Variants in IRF7 observed in about 807,000 individuals in gnomAD.
IRF7 encodes the protein interferon regulatory factor-7H.
Under a neutral mutation model 51.3 loss-of-function variants are expected in IRF7, and 67 were observed. The observed-to-expected ratio is 1.31, with a 90% CI of 1.07 to 1.60. IRF7 has a LOEUF of 1.60. Among genes scored for constraint, IRF7 ranks in the 40% most tolerant of loss-of-function variants. The pLI is 0.00. For synonymous variants in IRF7, 427 were observed against 301.3 expected (o/e 1.42, Z -4.32); for missense variants, 873 against 701.5 (o/e 1.24, Z -2.76).
At position 614,885 on chromosome 11, in the gene IRF7, C is replaced by G. The variant is rs1856733684; in HGVS notation, c.306G>C (p.Thr102=). The G allele has an allele frequency of 6.3e-7, 1 of 1,585,068 alleles. No individual in the cohort carries two copies. Among genetic ancestry groups the G allele is most frequent in the South Asian group, 1.1e-5 (1 of 87,398 alleles). Residue 102 remains threonine (T), a synonymous_variant, in exon 4 of 11, where the codon ACG becomes ACC. Coordinates refer to ENST00000525445, the MANE Select transcript of IRF7 (RefSeq NM_001572.5). The stretch of plus-strand genomic sequence containing the variant: ...TATCCCGCAGCATCACGAAGCGACG[C>G]GTGCTGCGCAGTGCGCAGCGGAAGT... The part of the protein sequence containing the change: ...KTNFRCALRS[T]RRFVMLRDNS...
In IRF7 at chr11:614,896, G is replaced by C. The variant is rs943352970; in HGVS notation, c.295C>G (p.Leu99Val). 4 of 1,586,104 alleles carry C rather than the reference G, an allele frequency of 2.5e-6. No individual in the cohort carries two copies. Among genetic ancestry groups the C allele is most frequent in the Admixed American group, 3.5e-5 (2 of 56,372 alleles). Residue 99 changes from leucine (L) to valine (V), a missense_variant, in exon 4 of 11, where the codon CTG becomes GTG. Transcript: ENST00000525445. ...AGWKTNFRCA[L>V]RSTRRFVMLR... The stretch of plus-strand genomic sequence containing the variant: ...ATCACGAAGCGACGCGTGCTGCGCA[G>C]TGCGCAGCGGAAGTTGGTTTTCCAG...
chr11:614,102 C>T lies in IRF7; in HGVS notation c.680-65G>A, dbSNP rs1471680090. On this transcript the variant is annotated intron_variant, in intron 6 of 10. Coordinates refer to ENST00000525445, the MANE Select transcript of IRF7 (RefSeq NM_001572.5). ...AATTCTCCAGCTCCCCAATCCCCAG[C>T]CCCCTTCTAAAGTGTCCGTCCAGGT... 22 of 1,579,476 alleles carry T rather than the reference C, an allele frequency of 1.4e-5. No homozygotes were observed. In the East Asian group the frequency reaches 1.6e-4, roughly 12 times the overall value.
In IRF7 at chr11:614,947, CG is replaced by C; in HGVS notation, c.243del (p.Glu82ArgfsTer25). 1.9e-6 allele frequency: 3 copies of C among 1,567,996 alleles called. No individual in the cohort carries two copies. The highest frequency in any genetic ancestry group is 1.8e-5 in the Admixed American group (1 of 55,916). On this transcript the variant is annotated frameshift_variant, in exon 4 of 11. Transcript: ENST00000525445. LOFTEE classifies it high-confidence loss of function. ...PPSSRGGGPP[P>X]EAETAERAGW... ...CCGGCGCGCTCCGCAGTCTCAGCCT[CG>C]GGGGGCGGGCCACCTCCCCTGCTGC...
intron 4 of IRF7, 22 bp from the exon 5 acceptor site, chr11:614,556 G>T (rs748843024): frequency 1.5e-5 from 23 of 1,550,576 alleles, no homozygotes; most frequent in Non-Finnish European, 1.9e-5. Flanking sequence ...TGGGGCAGGC[G>T]TTAGGCCCCG....
Position 613,941 on chromosome 11 carries a change from C to T in IRF7, c.766+10G>A, listed in dbSNP as rs200269471. On this transcript the variant is annotated intron_variant, in intron 7 of 10. Transcript: ENST00000525445. ...TGTGCCCCAGGCCTCCCAACCCCTA[C>T]CCCTCTCACCTGTCGTTAGTGCCGC... 3.4e-5 allele frequency: 55 copies of T among 1,604,618 alleles called. No individual in the cohort carries two copies. The highest frequency in any genetic ancestry group is 2.2e-5 in the East Asian group (1 of 44,760).
rs1224349259 is a variant in IRF7 at position 615,647 on chromosome 11, C to A, written c.-283G>T. Reference sequence around the variant, plus strand: ...CCTGGCGGGAAGGCGCAGGCCGGACCCTGCGGAGACGGGAAAGGCGACGTC... The same window carrying A: ...CCTGGCGGGAAGGCGCAGGCCGGACACTGCGGAGACGGGAAAGGCGACGTC... On this transcript the variant is annotated splice_region_variant and 5_prime_UTR_variant, in exon 2 of 11. Coordinates refer to ENST00000525445, the MANE Select transcript of IRF7 (RefSeq NM_001572.5). 4.9e-6 allele frequency: 2 copies of A among 404,438 alleles called. No individual in the cohort carries two copies. The highest frequency in any genetic ancestry group is 4.1e-5 in the Admixed American group (1 of 24,222). 25.1% of individuals were successfully genotyped at this position (404,438 alleles called of 1,614,324 possible).
At chr11:614,065 T>C (rs1269665517) in intron 6 of IRF7, 28 bp from the exon 7 acceptor site, 3 of 1,592,348 alleles carry the variant, frequency 1.9e-6, no homozygotes, top group Admixed American at 1.7e-5. Flanking sequence ...GTGGGAACGG[T>C]GGTCCCCTCC....
Position 614,388 on chromosome 11 carries a change from TG to T in IRF7, c.464del (p.Pro155GlnfsTer43), listed in dbSNP as rs1856692689. ...CATGTGTGTGTGCCAGGAATGGCCC[TG>T]GGGGCCCACCCTGCAGGGAAAAGTC... is the stretch of plus-strand genomic sequence containing the variant. Reference protein sequence around the residue: ...AAVPPPQGGPPGPFLAHTHAG... With the variant: ...AAVPPPQGGPXGPFLAHTHAG... On this transcript the variant is annotated frameshift_variant, in exon 6 of 11. Coordinates refer to ENST00000525445, the MANE Select transcript of IRF7 (RefSeq NM_001572.5). LOFTEE classifies it high-confidence loss of function. 1.2e-6 allele frequency: 2 copies of T among 1,605,004 alleles called. No homozygotes were observed. The highest frequency in any genetic ancestry group is 1.3e-5 in the African/African-American group (1 of 74,828).
chr11:612,789 C>A lies in IRF7; in HGVS notation c.1368G>T (p.Trp456Cys). ...TGCCCTCTAGGTGCACTCGGCACAG[C>A]CAGGGTTCCAGCTGCCAGGAGGGAT... ...KSLVLVKLEP[W>C]LCRVHLEGTQ... Residue 456 changes from tryptophan to cysteine, a missense_variant, in exon 11 of 11, where the codon TGG (tryptophan) becomes TGT (cysteine). Physicochemically the swap from Trp to Cys is radical, Grantham distance 215. Transcript: ENST00000525445. 1 of 1,610,122 alleles carries A rather than the reference C, an allele frequency of 6.2e-7. No homozygotes were observed. The highest frequency in any genetic ancestry group is 8.5e-7 in the Non-Finnish European group (1 of 1,179,846).
rs1371378988 is a variant in IRF7, at chr11:614,371, T to G, written c.482A>C (p.His161Pro). ...QGGPPGPFLA[H>P]THAGLQAPGP... The stretch of plus-strand genomic sequence containing the variant: ...TGGGGCTTGGAGTCCAGCATGTGTG[T>G]GTGCCAGGAATGGCCCTGGGGGCCC... Residue 161 changes from histidine to proline, a missense_variant, in exon 6 of 11, where the codon CAC (histidine) becomes CCC (proline). Physicochemically the swap from His to Pro is moderately conservative, Grantham distance 77 (BLOSUM62 -2). Coordinates refer to ENST00000525445, the MANE Select transcript of IRF7 (RefSeq NM_001572.5). The G allele has an allele frequency of 6.2e-7, 1 of 1,608,656 alleles. No individual in the cohort carries two copies. Among genetic ancestry groups the G allele is most frequent in the Admixed American group, 1.7e-5 (1 of 59,564 alleles).
At position 612,783 on chromosome 11, in the gene IRF7, GCA is replaced by G; in HGVS notation, c.1372_1373del (p.Cys458ProfsTer10). 2 of 1,610,606 alleles carry G rather than the reference GCA, an allele frequency of 1.2e-6. No homozygotes were observed. The highest frequency in any genetic ancestry group is 8.5e-7 in the Non-Finnish European group (1 of 1,179,926). Reference protein sequence around the residue: ...LVLVKLEPWLCRVHLEGTQRE... With the variant: ...LVLVKLEPWLXRVHLEGTQRE... Reference sequence around the variant, plus strand: ...GCTGCGTGCCCTCTAGGTGCACTCGGCACAGCCAGGGTTCCAGCTGCCAGGAG... The same window carrying G: ...GCTGCGTGCCCTCTAGGTGCACTCGGCAGCCAGGGTTCCAGCTGCCAGGAG... On this transcript the variant is annotated frameshift_variant, in exon 11 of 11. Coordinates refer to ENST00000525445, the MANE Select transcript of IRF7 (RefSeq NM_001572.5). LOFTEE classifies it high-confidence loss of function.
chr11:614,893 G>T lies in IRF7; in HGVS notation c.298C>A (p.Arg100Ser). The change falls in exon 4 of 11, where the codon CGC becomes AGC. Residue 100 changes from arginine (R) to serine (S), a missense_variant. By Grantham distance (110) the Arg-to-Ser change is moderately radical. Coordinates refer to ENST00000525445, the MANE Select transcript of IRF7 (RefSeq NM_001572.5). ...GWKTNFRCAL[R>S]STRRFVMLRD... is the part of the protein sequence containing the mutation. ...AGCATCACGAAGCGACGCGTGCTGC[G>T]CAGTGCGCAGCGGAAGTTGGTTTTC... The T allele has an allele frequency of 6.3e-7, 1 of 1,586,580 alleles. No individual in the cohort carries two copies. The highest frequency in any genetic ancestry group is 8.6e-7 in the Non-Finnish European group (1 of 1,169,100).
chr11:615,579 G>C lies in IRF7; in HGVS notation c.-215C>G. ...TACAGGTGTGACTGCAGGTGTGGCC[G>C]GCGCGCACACATGAAGTCACAGGTG... On this transcript the variant is annotated 5_prime_UTR_variant, in exon 2 of 11. Coordinates refer to ENST00000525445, the MANE Select transcript of IRF7 (RefSeq NM_001572.5). 2.0e-6 allele frequency: 1 copy of C among 507,098 alleles called. No homozygotes were observed. The highest frequency in any genetic ancestry group is 3.2e-5 in the East Asian group (1 of 30,890). 31.4% of individuals were successfully genotyped at this position (507,098 alleles called of 1,614,324 possible).
chr11:613,068 G>A lies in IRF7; in HGVS notation c.1287C>T (p.Thr429=). ...GGTCCTGCCCGAAGCCCAGGTAGAT[G>A]GTATAGCGTGGGGAGCCACGGCGCT... ...ARQRRGSPRY[T]IYLGFGQDLS... The change falls in exon 10 of 11, where the codon ACC becomes ACT. Residue 429 remains threonine, a synonymous_variant. Coordinates refer to ENST00000525445, the MANE Select transcript of IRF7 (RefSeq NM_001572.5). 1 of 1,613,096 alleles carries A rather than the reference G, an allele frequency of 6.2e-7. No homozygotes were observed. The highest frequency in any genetic ancestry group is 1.3e-5 in the African/African-American group (1 of 75,052).
chr11:613,796 G>T lies in IRF7; in HGVS notation c.836C>A (p.Thr279Asn), dbSNP rs762448644. 3 of 1,568,832 alleles carry T rather than the reference G, an allele frequency of 1.9e-6. No individual in the cohort carries two copies. The highest frequency in any genetic ancestry group is 2.6e-6 in the Non-Finnish European group (3 of 1,166,046). The change falls in exon 8 of 11, where the codon ACC (threonine) becomes AAC (asparagine). Residue 279 changes from threonine (T) to asparagine (N), a missense_variant. By Grantham distance (65) the Thr-to-Asn change is moderately conservative (BLOSUM62 0). Transcript: ENST00000525445. ...PYLSPSPSACTAVQEPSPGAL... is the reference protein window; with the variant it reads ...PYLSPSPSACNAVQEPSPGAL... ...TGGGATGCACTCACCTTGCACCGCG[G>T]TGCAGGCGCTTGGGGAGGGTGACAG...
Position 614,040 on chromosome 11 carries a change from G to C in IRF7, c.680-3C>G. On this transcript the variant is annotated splice_polypyrimidine_tract_variant and splice_region_variant and intron_variant, in intron 6 of 10. Coordinates refer to ENST00000525445, the MANE Select transcript of IRF7 (RefSeq NM_001572.5). ...CTCCCCAGCAGGGAGCCCTGGGCCT[G>C]AGGAGGGGAGGACAGTGGGAACGGT... 1 of 1,605,604 alleles carries C rather than the reference G, an allele frequency of 6.2e-7. No homozygotes were observed. The highest frequency in any genetic ancestry group is 1.1e-5 in the South Asian group (1 of 89,800).
At position 613,792 on chromosome 11, in the gene IRF7, C is replaced by T. The variant is rs542925396; in HGVS notation, c.840G>A (p.Ala280=). Residue 280 remains alanine (A), a synonymous_variant, in exon 8 of 11, where the codon GCG becomes GCA. Coordinates refer to ENST00000525445, the MANE Select transcript of IRF7 (RefSeq NM_001572.5). ...YLSPSPSACT[A]VQEPSPGALD... ...TTCCTGGGATGCACTCACCTTGCAC[C>T]GCGGTGCAGGCGCTTGGGGAGGGTG... The T allele has an allele frequency of 2.6e-6, 4 of 1,562,282 alleles. No individual in the cohort carries two copies. Among genetic ancestry groups the T allele is most frequent in the African/African-American group, 1.4e-5 (1 of 72,406 alleles).
In IRF7 at chr11:614,774, C is replaced by A. The variant is rs1210385103; in HGVS notation, c.394+23G>T. ...GCCCAAGCAGGACGAATGCCAACGC[C>A]CTTGGCAGCCGGCGTCGCTCACCTC... On this transcript the variant is annotated intron_variant, in intron 4 of 10. Coordinates refer to ENST00000525445, the MANE Select transcript of IRF7 (RefSeq NM_001572.5). 2.0e-6 allele frequency: 3 copies of A among 1,525,862 alleles called. No individual in the cohort carries two copies. The Admixed American group carries it at 6.4e-5, about 33-fold the overall frequency. The allele number at this position is 1,525,862 out of a possible 1,614,324, so 94.5% of individuals were successfully genotyped here.
At chr11:615,743 C>A in intron 1 of IRF7, 96 bp from the exon 2 acceptor site, 1 of 275,564 alleles carries the variant, frequency 3.6e-6, no homozygotes, top group Non-Finnish European at 6.8e-6. Context: ...GATCCCACCC[C>A]GTCCGGTTCT....
Sources: allele counts gnomAD v4.1 joint callset, GRCh38; gene constraint gnomAD v4.1.1; transcripts MANE v1.5; gene names NCBI Gene and HGNC (gene_info 2026-07-23, HGNC 2026-07-21).